ARPP19: variants seen among roughly 807,000 people sequenced by gnomAD.
The protein encoded by ARPP19 is cAMP regulated phosphoprotein 19, also known as cAMP-regulated phosphoprotein 19.
In ARPP19, 8 loss-of-function variants were observed where a neutral mutation model predicts 12.0. That is an observed-to-expected ratio of 0.67 (90% CI 0.39 to 1.21). The LOEUF is 1.21. Ranked by LOEUF, ARPP19 falls within the 50% of genes most tolerant of loss-of-function variation. ARPP19 has a pLI of 0.01. For missense variants in ARPP19, 102 were observed against 136.3 expected (o/e 0.75, Z 1.25); for synonymous variants, 47 against 50.4 (o/e 0.93, Z 0.29).
chr15:52,553,308 C>T (rs1369026972), intron 2 of ARPP19, among the ~76,000 whole-genome samples: 4 of 152,146 alleles, frequency 2.6e-5, no homozygotes, highest in Non-Finnish European at 5.9e-5. Context: ...ACACCTCCTC[C>T]ATTTTTCACA....
At chr15:52,566,756 T>C (rs914290444) in intron 1 of ARPP19, among the ~76,000 whole-genome samples, 1 of 152,220 alleles carries the variant, frequency 6.6e-6, no homozygotes, top group Admixed American at 6.5e-5. Flanking sequence ...TAGAGTGGTA[T>C]ACAAGTTAAG....
chr15:52,549,927 C>T lies in ARPP19; in HGVS notation c.*2007G>A, dbSNP rs1440554146. 6.6e-6 allele frequency: 1 copy of T among 152,448 alleles called. No homozygotes were observed. Among genetic ancestry groups the T allele is most frequent in the African/African-American group, 2.4e-5 (1 of 41,384 alleles). The allele number at this position is 152,448 out of a possible 1,614,324, so 9.4% of individuals were successfully genotyped here. ...CAGCAGTGACTGTGTTGCTTTTCTG[C>T]CTTTTGGGGTGAGTAGATCAGGAAG... On this transcript the variant is annotated 3_prime_UTR_variant, in exon 3 of 3. Coordinates refer to ENST00000249822, the MANE Select transcript of ARPP19 (RefSeq NM_006628.6).
At chr15:52,568,736 C>A in intron 1 of ARPP19, 112 bp downstream of exon 1, 1 of 663,910 alleles carries the variant, frequency 1.5e-6, no homozygotes, top group South Asian at 2.4e-5. Context: ...GGAGCCTCGG[C>A]CTCATGCGCC....
At chr15:52,558,470 G>GAA (rs143549178) in intron 1 of ARPP19, among the ~76,000 whole-genome samples, 9 of 63,950 alleles carry the variant, frequency 1.4e-4, no homozygotes, top group South Asian at 5.1e-4. Context: ...AAACAAAACA[G>GAA]AAAAAAAAAA....
Position 52,551,025 on chromosome 15 carries a change from T to A in ARPP19, c.*909A>T, listed in dbSNP as rs1399456080. On this transcript the variant is annotated 3_prime_UTR_variant, in exon 3 of 3. Coordinates refer to ENST00000249822, the MANE Select transcript of ARPP19 (RefSeq NM_006628.6). ...TGAAAAGCTTAAGTCTATGGCAGAT[T>A]GAACTAAGATTTCAGTTTGGTATTC... is the stretch of plus-strand genomic sequence containing the variant. 1 of 152,682 alleles carries A rather than the reference T, an allele frequency of 6.5e-6. No homozygotes were observed. Among genetic ancestry groups the A allele is most frequent in the Non-Finnish European group, 1.5e-5 (1 of 68,038 alleles). The allele number at this position is 152,682 out of a possible 1,614,324, so 9.5% of individuals were successfully genotyped here.
rs890977369 is a variant in ARPP19, at chr15:52,550,596, G to A, written c.*1338C>T. 1 of 152,000 alleles carries A rather than the reference G, an allele frequency of 6.6e-6. No individual in the cohort carries two copies. The highest frequency in any genetic ancestry group is 1.5e-5 in the Non-Finnish European group (1 of 68,014). 9.4% of individuals were successfully genotyped at this position (152,000 alleles called of 1,614,324 possible). A position where few individuals can be genotyped will look rare whatever the true frequency, so the allele number is the denominator to read the frequency against. On this transcript the variant is annotated 3_prime_UTR_variant, in exon 3 of 3. Coordinates refer to ENST00000249822, the MANE Select transcript of ARPP19 (RefSeq NM_006628.6). The stretch of plus-strand genomic sequence containing the variant: ...TGCACTACTGCACTAGAGCTCAGGT[G>A]ACAGAGCAAGGCCCTATCCTAAAAA...
At chr15:52,562,135 C>G (rs927871176) in intron 1 of ARPP19, among the ~76,000 whole-genome samples, 3 of 151,944 alleles carry the variant, frequency 2.0e-5, no homozygotes, top group Non-Finnish European at 4.4e-5. Flanking sequence ...GAGCAACTGA[C>G]AAGTCCACTA....
chr15:52,567,354 A>C (rs1181411476), intron 1 of ARPP19, among the ~76,000 whole-genome samples: 1 of 152,234 alleles, frequency 6.6e-6, no homozygotes, highest in East Asian at 1.9e-4. Context: ...TTTACACTCT[A>C]GAAGTCAATA....
chr15:52,563,567 T>C (rs753592947), intron 1 of ARPP19, among the ~76,000 whole-genome samples: 1 of 152,214 alleles, frequency 6.6e-6, no homozygotes, highest in East Asian at 1.9e-4. Flanking sequence ...GGGTATAAGT[T>C]ATAAATATAT....
chr15:52,556,998 T>A (rs1398350075), intron 2 of ARPP19, 102 bp downstream of exon 2: 1 of 1,286,846 alleles, frequency 7.8e-7, no homozygotes, highest in African/African-American at 1.5e-5. Flanking sequence ...TGTACATACC[T>A]GATAAAGTAC....
chr15:52,558,423 C>T (rs1356458488), intron 1 of ARPP19, among the ~76,000 whole-genome samples: 1 of 149,622 alleles, frequency 6.7e-6, no homozygotes, highest in Non-Finnish European at 1.5e-5. Flanking sequence ...GCACTCTAGC[C>T]TGGGTGCATA....
intron 2 of ARPP19, among the ~76,000 whole-genome samples, chr15:52,555,630 T>C (rs1480624170): frequency 6.6e-6 from 1 of 152,014 alleles, no homozygotes; most frequent in Admixed American, 6.6e-5. Flanking sequence ...TGAATTATAC[T>C]CTTAGATTAA....
rs2077897369 is a variant in ARPP19, at chr15:52,548,314, C to G, written c.*3620G>C. ...CCAGCCTGGCCAACATGGTGAAACC[C>G]CATCTCTACTAAAAGTACAAAAATT... On this transcript the variant is annotated 3_prime_UTR_variant, in exon 3 of 3. Coordinates refer to ENST00000249822, the MANE Select transcript of ARPP19 (RefSeq NM_006628.6). The G allele has an allele frequency of 6.6e-6, 1 of 151,996 alleles. No individual in the cohort carries two copies. Among genetic ancestry groups the G allele is most frequent in the Non-Finnish European group, 1.5e-5 (1 of 68,020 alleles). The allele number at this position is 151,996 out of a possible 1,614,324, so 9.4% of individuals were successfully genotyped here.
Position 52,547,546 on chromosome 15 carries a change from A to G in ARPP19, c.*4388T>C, listed in dbSNP as rs1199115832. The G allele has an allele frequency of 1.3e-5, 2 of 152,244 alleles. No individual in the cohort carries two copies. Among genetic ancestry groups the G allele is most frequent in the African/African-American group, 4.8e-5 (2 of 41,460 alleles). The allele number at this position is 152,244 out of a possible 1,614,324, so 9.4% of individuals were successfully genotyped here. A position where few individuals can be genotyped will look rare whatever the true frequency, so the allele number is the denominator to read the frequency against. Reference sequence around the variant, plus strand: ...ACATATATTAATGGCTATCAAGACCAGCAGTGATCTGCAGAATACCTAGAG... The same window carrying G: ...ACATATATTAATGGCTATCAAGACCGGCAGTGATCTGCAGAATACCTAGAG... On this transcript the variant is annotated 3_prime_UTR_variant, in exon 3 of 3. Coordinates refer to ENST00000249822, the MANE Select transcript of ARPP19 (RefSeq NM_006628.6).
intron 1 of ARPP19, among the ~76,000 whole-genome samples, chr15:52,567,215 G>A (rs1301255882): frequency 1.3e-5 from 2 of 152,156 alleles, no homozygotes; most frequent in Non-Finnish European, 2.9e-5. Flanking sequence ...ACACACTTTG[G>A]TTGATTTTAA....
rs1256567271 is a variant in ARPP19 at position 52,549,608 on chromosome 15, A to G, written c.*2326T>C. On this transcript the variant is annotated 3_prime_UTR_variant, in exon 3 of 3. Coordinates refer to ENST00000249822, the MANE Select transcript of ARPP19 (RefSeq NM_006628.6). ...CAATACATTTTGAGGTAGGTCAAATATTAATTATGTATTTTACAAACAAAA... is the reference window on the plus strand; with the variant it reads ...CAATACATTTTGAGGTAGGTCAAATGTTAATTATGTATTTTACAAACAAAA... The G allele has an allele frequency of 1.3e-5, 2 of 152,644 alleles. No homozygotes were observed. 9.5% of individuals were successfully genotyped at this position (152,644 alleles called of 1,614,324 possible). A position where few individuals can be genotyped will look rare whatever the true frequency, so the allele number is the denominator to read the frequency against.
intron 1 of ARPP19, among the ~76,000 whole-genome samples, chr15:52,567,761 A>G (rs190356529): frequency 2.0e-5 from 3 of 152,276 alleles, no homozygotes; most frequent in Admixed American, 1.3e-4. Flanking sequence ...ACTTAAGAAA[A>G]GTTAACACGG....
chr15:52,553,026 G>A (rs1487121494), intron 2 of ARPP19, among the ~76,000 whole-genome samples: 1 of 151,234 alleles, frequency 6.6e-6, no homozygotes, highest in African/African-American at 2.4e-5. Flanking sequence ...GCAGAGAGCT[G>A]AGATTGTGCC....
intron 1 of ARPP19, among the ~76,000 whole-genome samples, chr15:52,558,437 A>C (rs1380279344): frequency 6.6e-6 from 1 of 150,770 alleles, no homozygotes; most frequent in African/African-American, 2.4e-5. Context: ...GTGCATACCC[A>C]GGTCTAGCGA....
Sources: allele counts gnomAD v4.1 joint callset (sites outside exome capture counted in the v4.1 genomes callset), GRCh38; gene constraint gnomAD v4.1.1; transcripts MANE v1.5; gene names NCBI Gene and HGNC (gene_info 2026-07-23, HGNC 2026-07-21).